BRINP1: variants seen among roughly 807,000 people sequenced by gnomAD.
The protein encoded by BRINP1 is BMP/retinoic acid inducible neural specific 1.
In BRINP1, 17 loss-of-function variants were observed where a neutral mutation model predicts 72.9. The observed-to-expected ratio is 0.23, with a 90% CI of 0.16 to 0.35. The LOEUF (loss-of-function observed/expected upper bound fraction) is 0.35, where lower values mean the gene tolerates loss of function less well. Ranked by LOEUF, BRINP1 falls within the 10% of genes least tolerant of loss-of-function variation. The pLI is 1.00. For synonymous variants in BRINP1, 418 were observed against 378.5 expected (o/e 1.10, Z -1.21); for missense variants, 850 against 1,001.6 (o/e 0.85, Z 2.04).
chr9:119,344,027 C>T (rs1415576281), intron 1 of BRINP1, among the ~76,000 whole-genome samples: 2 of 152,138 alleles, frequency 1.3e-5, no homozygotes, highest in Non-Finnish European at 1.5e-5. Context: ...CCTCCAGAGC[C>T]CCTACAGCAT....
At chr9:119,296,630 G>C (rs1185304442) in intron 2 of BRINP1, among the ~76,000 whole-genome samples, 2 of 152,126 alleles carry the variant, frequency 1.3e-5, no homozygotes, top group Admixed American at 1.3e-4. Context: ...TCCATCAACA[G>C]ATGAATGGAC....
chr9:119,262,612 C>T lies in BRINP1; in HGVS notation c.219-13462G>A, dbSNP rs557215137. 2.2e-3 allele frequency among the ~76,000 whole-genome samples: 308 copies of T among 142,002 alleles called. 1 individual carries two copies. In the Middle Eastern group the frequency reaches 0.028, roughly 13 times the overall value. 93.2% of individuals were successfully genotyped at this position (142,002 alleles called of 152,430 possible). A position where few individuals can be genotyped will look rare whatever the true frequency, so the allele number is the denominator to read the frequency against. On this transcript the variant is annotated intron_variant, in intron 2 of 7. Coordinates refer to ENST00000265922, the MANE Select transcript of BRINP1 (RefSeq NM_014618.3). ...AGTGAGCCGAGATCATGCCATTGCA[C>T]TCCAGCCTGGGTGACAGAGCGAGAC...
At chr9:119,282,902 A>G in intron 2 of BRINP1, 1 of 985,406 alleles carries the variant, frequency 1.0e-6, no homozygotes, top group East Asian at 1.1e-4. Context: ...GCAAACACAA[A>G]AGCTCTATGC....
At chr9:119,304,744 C>A (rs1470055760) in intron 2 of BRINP1, among the ~76,000 whole-genome samples, 1 of 152,244 alleles carries the variant, frequency 6.6e-6, no homozygotes, top group African/African-American at 2.4e-5. Flanking sequence ...CTGCAGCCTG[C>A]AGCTGTTGGT....
At chr9:119,227,983 A>G (rs996512336) in intron 5 of BRINP1, among the ~76,000 whole-genome samples, 3 of 151,886 alleles carry the variant, frequency 2.0e-5, no homozygotes, top group African/African-American at 4.8e-5. Flanking sequence ...TTTCTCCTAC[A>G]CTTTCTTTTT....
At chr9:119,335,196 T>C (rs1164530715) in intron 1 of BRINP1, among the ~76,000 whole-genome samples, 4 of 152,188 alleles carry the variant, frequency 2.6e-5, no homozygotes, top group Non-Finnish European at 2.9e-5. Flanking sequence ...AACCTAAGGC[T>C]GCTTGAGCCA....
intron 2 of BRINP1, among the ~76,000 whole-genome samples, chr9:119,309,283 G>A (rs1340152687): frequency 6.6e-6 from 1 of 152,182 alleles, no homozygotes; most frequent in Non-Finnish European, 1.5e-5. Flanking sequence ...GTCAAAGGAA[G>A]CCTGTTAGCA....
chr9:119,209,429 G>A (rs1056895297), intron 6 of BRINP1, among the ~76,000 whole-genome samples: 3 of 151,916 alleles, frequency 2.0e-5, no homozygotes, highest in South Asian at 2.1e-4. Context: ...TTAACCAGGC[G>A]TGGTGGCAGG....
chr9:119,300,436 T>G (rs1830927836), intron 2 of BRINP1, among the ~76,000 whole-genome samples: 1 of 152,204 alleles, frequency 6.6e-6, no homozygotes, highest in Non-Finnish European at 1.5e-5. Context: ...TACCCTGATG[T>G]GATTACTATG....
At chr9:119,253,689 C>CA (rs1265994714) in intron 2 of BRINP1, among the ~76,000 whole-genome samples, 1 of 151,982 alleles carries the variant, frequency 6.6e-6, no homozygotes, top group East Asian at 1.9e-4. Context: ...TGGTAAAGAA[C>CA]AAAAAGAACA....
At chr9:119,276,630 C>T (rs1830660324) in intron 2 of BRINP1, among the ~76,000 whole-genome samples, 1 of 152,172 alleles carries the variant, frequency 6.6e-6, no homozygotes, top group African/African-American at 2.4e-5. Flanking sequence ...CTTTACAAAT[C>T]ATCTGGCAAT....
chr9:119,313,426 AAG>A (rs1421635779), intron 1 of BRINP1, 21 bp from the exon 2 acceptor site: 11 of 1,520,418 alleles, frequency 7.2e-6, no homozygotes, highest in Non-Finnish European at 7.9e-6. Context: ...AAGAATAAAA[AAG>A]AGAGAGAAAA....
At chr9:119,300,406 GA>G (rs1830927431) in intron 2 of BRINP1, among the ~76,000 whole-genome samples, 1 of 152,116 alleles carries the variant, frequency 6.6e-6, no homozygotes. Flanking sequence ...ATAAATGCTG[GA>G]GGTGATGGAT....
At chr9:119,238,550 T>G in intron 5 of BRINP1, 105 bp downstream of exon 5, 1 of 631,768 alleles carries the variant, frequency 1.6e-6, no homozygotes, top group Middle Eastern at 4.4e-4. Flanking sequence ...CTATGCTTCC[T>G]CTTCTTTATT....
At chr9:119,174,008 A>C (rs1236803019) in intron 7 of BRINP1, among the ~76,000 whole-genome samples, 10 of 113,350 alleles carry the variant, frequency 8.8e-5, no homozygotes, top group African/African-American at 7.9e-4. Flanking sequence ...TAAAGACTTA[A>C]ACGTTAGACA....
rs1830367141 is a variant in BRINP1 at position 119,250,058 on chromosome 9, G to T, written c.219-908C>A. On this transcript the variant is annotated intron_variant, in intron 2 of 7. Transcript: ENST00000265922. ...GGAAGGAAGGAGAGAGAGAGGGAGG[G>T]AGGGAAGAAGGAAGGAAGGAAGAAA... Among the ~76,000 whole-genome samples, 3 of 110,648 alleles carry T rather than the reference G, an allele frequency of 2.7e-5. No individual in the cohort carries two copies. The South Asian group carries it at 1.1e-3, about 40-fold the overall frequency. 72.6% of individuals were successfully genotyped at this position (110,648 alleles called of 152,430 possible).
intron 2 of BRINP1, among the ~76,000 whole-genome samples, chr9:119,312,095 G>GA: frequency 6.6e-6 from 1 of 152,298 alleles, no homozygotes; most frequent in Non-Finnish European, 1.5e-5. Context: ...TGAATCTGTG[G>GA]TTCCATTCAG....
At chr9:119,350,514 C>A (rs1402838601) in intron 1 of BRINP1, among the ~76,000 whole-genome samples, 1 of 152,108 alleles carries the variant, frequency 6.6e-6, no homozygotes, top group Non-Finnish European at 1.5e-5. Context: ...CATGGGTTTG[C>A]TTTGCTGGAT....
intron 1 of BRINP1, among the ~76,000 whole-genome samples, chr9:119,341,278 T>G (rs543606686): frequency 6.6e-6 from 1 of 152,340 alleles, no homozygotes; most frequent in East Asian, 1.9e-4. Context: ...AGACTCGATT[T>G]TTCATAACGT....
Sources: gnomAD v4.1 joint callset for allele counts (sites outside exome capture counted in the v4.1 genomes callset) on GRCh38, gnomAD v4.1.1 for gene constraint, MANE v1.5 for transcripts, NCBI Gene and HGNC (gene_info 2026-07-23, HGNC 2026-07-21) for gene names.